The following ZNF638 variants were observed in gnomAD, a reference collection of about 807,000 sequenced individuals.
The protein encoded by ZNF638 is zinc finger protein 638, also known as CTCL tumor antigen se33-1.
In ZNF638, 46 loss-of-function variants were observed where a neutral mutation model predicts 195.6. The ratio of observed to expected loss-of-function variants is 0.24; its 90% confidence interval spans 0.19 to 0.30. ZNF638 has a LOEUF of 0.30. Ranked by LOEUF, ZNF638 falls within the 10% of genes least tolerant of loss-of-function variation. The probability of loss-of-function intolerance (pLI) is 1.00; values close to 1 mark genes in which losing one functional copy is unlikely to be tolerated. For missense variants in ZNF638, 2,440 were observed against 2,325.3 expected (o/e 1.05, Z -1.01); for synonymous variants, 845 against 772.0 (o/e 1.09, Z -1.57).
intron 25 of ZNF638, among the ~76,000 whole-genome samples, chr2:71,429,137 C>T (rs939550580): frequency 1.3e-5 from 2 of 152,178 alleles, no homozygotes. Flanking sequence ...AAAGAAAGTA[C>T]ATAGCTCTTG....
chr2:71,419,186 C>G (rs1010471871), intron 21 of ZNF638, among the ~76,000 whole-genome samples: 1 of 152,130 alleles, frequency 6.6e-6, no homozygotes, highest in African/African-American at 2.4e-5. Context: ...CTTGTTTTGA[C>G]CACGTAAAGT....
At chr2:71,334,370 C>T (rs1167269976) in intron 1 of ZNF638, 3 of 152,160 alleles carry the variant, frequency 2.0e-5, no homozygotes, top group Admixed American at 6.5e-5. Context: ...AGGAAACAGG[C>T]GCTAATGAAT....
intron 23 of ZNF638, 65 bp downstream of exon 23, chr2:71,424,780 A>G: frequency 2.3e-6 from 3 of 1,314,232 alleles, no homozygotes; most frequent in South Asian, 1.3e-5. Context: ...CATCTATCTT[A>G]TAACTTGTGC....
At chr2:71,399,011 C>G (rs1361392968) in intron 12 of ZNF638, among the ~76,000 whole-genome samples, 1 of 152,096 alleles carries the variant, frequency 6.6e-6, no homozygotes, top group African/African-American at 2.4e-5. Flanking sequence ...GCTTTGTAAT[C>G]ACAGGTTGCT....
intron 10 of ZNF638, among the ~76,000 whole-genome samples, chr2:71,382,560 G>A (rs139230152): frequency 1.0e-3 from 156 of 152,202 alleles, no homozygotes; most frequent in African/African-American, 3.7e-3. Context: ...GGAAACATTC[G>A]AGCTCTTACC....
intron 8 of ZNF638, chr2:71,373,794 C>T (rs6760748): frequency 0.74 from 112,999 of 151,910 alleles, 42,570 homozygotes; most frequent in Admixed American, 0.77. Flanking sequence ...ATTTTTATGC[C>T]TGTGACACAG....
chr2:71,367,167 C>T (rs910288143), intron 6 of ZNF638, among the ~76,000 whole-genome samples: 7 of 151,100 alleles, frequency 4.6e-5, no homozygotes, highest in African/African-American at 1.5e-4. Context: ...TTTGAAGAGG[C>T]TGAGTTAGTC....
At chr2:71,335,418 TG>T (rs1291897467) in intron 1 of ZNF638, among the ~76,000 whole-genome samples, 1 of 152,246 alleles carries the variant, frequency 6.6e-6, no homozygotes, top group Non-Finnish European at 1.5e-5. Context: ...ATATATTTAT[TG>T]TTCATTCAAG....
chr2:71,339,276 C>T (rs756146753), intron 1 of ZNF638, among the ~76,000 whole-genome samples: 5 of 152,004 alleles, frequency 3.3e-5, no homozygotes, highest in Non-Finnish European at 7.4e-5. Flanking sequence ...CCTCAGCCTC[C>T]TGAGTGGCTG....
rs140596491 is a variant in ZNF638 at position 71,427,157 on chromosome 2, C to G, written c.5288C>G (p.Ala1763Gly). The G allele has an allele frequency of 2.5e-6, 4 of 1,612,460 alleles. No homozygotes were observed. In the South Asian group the frequency reaches 3.3e-5, roughly 13 times the overall value. ...ACTGAAGAGGATGAAGACTCTCTGG[C>G]GGATTTTAACAACCTTAAAGAAGAG... ...EVTEEDEDSL[A>G]DFNNLKEELN... Residue 1763 changes from alanine to glycine, a missense_variant, in exon 24 of 28, where the codon GCG becomes GGG. Ala to Gly is a moderately conservative substitution (Grantham distance 60). Coordinates refer to ENST00000264447, the MANE Select transcript of ZNF638 (RefSeq NM_014497.5).
intron 1 of ZNF638, among the ~76,000 whole-genome samples, chr2:71,336,628 C>T (rs2078675785): frequency 1.3e-5 from 2 of 152,180 alleles, no homozygotes; most frequent in East Asian, 3.9e-4. Flanking sequence ...TTCACAGCAG[C>T]ATTCCCAATG....
At chr2:71,367,651 G>A (rs2079225891) in intron 6 of ZNF638, among the ~76,000 whole-genome samples, 1 of 151,612 alleles carries the variant, frequency 6.6e-6, no homozygotes, top group Non-Finnish European at 1.5e-5. Flanking sequence ...GTGTTGGTCA[G>A]GCTGGTCTCG....
chr2:71,371,246 G>T (rs958322368), intron 8 of ZNF638, among the ~76,000 whole-genome samples: 1 of 152,086 alleles, frequency 6.6e-6, no homozygotes, highest in Non-Finnish European at 1.5e-5. Context: ...TTCATGTGTT[G>T]ATGGACACTT....
At chr2:71,424,798 A>C (rs2152604173) in intron 23 of ZNF638, 83 bp downstream of exon 23, 2 of 1,167,568 alleles carry the variant, frequency 1.7e-6, no homozygotes, top group East Asian at 4.8e-5. Flanking sequence ...TGCCTGCCTT[A>C]ACAATGTTAG....
In ZNF638 at chr2:71,369,058, G is replaced by A. The variant is rs1372114799; in HGVS notation, c.2142+530G>A. Among the ~76,000 whole-genome samples, 2 of 152,134 alleles carry A rather than the reference G, an allele frequency of 1.3e-5. 1 individual carries two copies. Among genetic ancestry groups the A allele is most frequent in the African/African-American group, 4.8e-5 (2 of 41,430 alleles). ...AACATAAAATAGTTAGTTAAGGCTG[G>A]GCGTGTTGGCTTGTGCCTGTAATCG... On this transcript the variant is annotated intron_variant, in intron 7 of 27. Transcript: ENST00000264447.
At chr2:71,367,844 A>G (rs1045721599) in intron 6 of ZNF638, among the ~76,000 whole-genome samples, 3 of 152,012 alleles carry the variant, frequency 2.0e-5, no homozygotes, top group Admixed American at 1.3e-4. Flanking sequence ...GCAGTGGGAT[A>G]CAGGCATGAG....
chr2:71,358,574 T>C (rs2079060869), intron 3 of ZNF638, among the ~76,000 whole-genome samples: 1 of 152,222 alleles, frequency 6.6e-6, no homozygotes, highest in Non-Finnish European at 1.5e-5. Context: ...GGCTTAAGGG[T>C]TCTTTCGTTA....
intron 10 of ZNF638, among the ~76,000 whole-genome samples, chr2:71,390,841 C>G (rs992709713): frequency 6.6e-6 from 1 of 151,876 alleles, no homozygotes; most frequent in Non-Finnish European, 1.5e-5. Context: ...AGAGCACACA[C>G]CCCCTAACGT....
In ZNF638 at chr2:71,428,618, G is replaced by C. The variant is rs748460961; in HGVS notation, c.5617G>C (p.Ala1873Pro). The C allele has an allele frequency of 2.5e-6, 4 of 1,614,018 alleles. No individual in the cohort carries two copies. Among genetic ancestry groups the C allele is most frequent in the Non-Finnish European group, 2.5e-6 (3 of 1,179,948 alleles). The change falls in exon 25 of 28, where the codon GCA (alanine) becomes CCA (proline). Residue 1873 changes from alanine (A) to proline (P), a missense_variant. Transcript: ENST00000264447. ...PSEKAVVTEP[A>P]KGEEAFQMSE... ...AGAAAAAGCTGTTGTGACAGAACCA[G>C]CAAAAGGTGAAGAGGCCTTCCAGAT...
Sources: allele counts gnomAD v4.1 joint callset (sites outside exome capture counted in the v4.1 genomes callset), GRCh38; gene constraint gnomAD v4.1.1; transcripts MANE v1.5; gene names NCBI Gene and HGNC (gene_info 2026-07-23, HGNC 2026-07-21).